Variants in RPL13A observed in about 807,000 individuals in gnomAD.
RPL13A encodes ribosomal protein L13a, also known as large ribosomal subunit protein uL13.
Under a neutral mutation model 30.8 loss-of-function variants are expected in RPL13A, and 4 were observed. The ratio of observed to expected loss-of-function variants is 0.13; its 90% CI spans 0.06 to 0.30. The LOEUF (loss-of-function observed/expected upper bound fraction) is 0.30, where lower values mean the gene tolerates loss of function less well. Ranked by LOEUF, RPL13A falls within the 10% of genes least tolerant of loss-of-function variation. The pLI is 1.00. For synonymous variants in RPL13A, 108 were observed against 104.2 expected (o/e 1.04, Z -0.22); for missense variants, 196 against 272.6 (o/e 0.72, Z 1.98).
chr19:49,488,926 G>A (rs1159659033), intron 1 of RPL13A, among the ~76,000 whole-genome samples: 1 of 152,056 alleles, frequency 6.6e-6, no homozygotes, highest in Non-Finnish European at 1.5e-5. Context: ...GGATGGTCTC[G>A]AACTCCTGAC....
intron 2 of RPL13A, 145 bp downstream of exon 2, chr19:49,490,067 G>A: frequency 1.0e-6 from 1 of 1,001,546 alleles, no homozygotes; most frequent in South Asian, 1.3e-5. Context: ...TCTTCCCCAG[G>A]GTTGGGGACT....
At chr19:49,489,732 G>C (rs1055743827) in intron 1 of RPL13A, 118 bp from the exon 2 acceptor site, 8 of 827,892 alleles carry the variant, frequency 9.7e-6, no homozygotes, top group African/African-American at 5.0e-5. Context: ...TCCCAGCTCT[G>C]ATGGCTGGGT....
Position 49,490,789 on chromosome 19 carries a change from C to T in RPL13A, c.267C>T (p.Pro89=), listed in dbSNP as rs11539146. The change falls in exon 5 of 8, where the codon CCC becomes CCT. Residue 89 remains proline, a synonymous_variant. Transcript: ENST00000391857. ...IFWRTVRGML[P]HKTKRGQAAL... ...TCTGTCACCCAACAGGTATGCTGCC[C>T]CACAAAACCAAGCGAGGCCAGGCCG... is the stretch of plus-strand genomic sequence containing the variant. 2.3e-5 allele frequency: 37 copies of T among 1,614,028 alleles called. 1 individual carries two copies. The highest frequency in any genetic ancestry group is 3.3e-5 in the South Asian group (3 of 91,090).
rs763601268 is a variant in RPL13A at position 49,491,883 on chromosome 19, G to A, written c.*68G>A. On this transcript the variant is annotated 3_prime_UTR_variant, in exon 8 of 8. Coordinates refer to ENST00000391857, the MANE Select transcript of RPL13A (RefSeq NM_012423.4). ...CCTCCATTGTTGCCCTGGAATGTAC[G>A]GGACCCAGGGGCAGCAGCAGTCCAG... 123 of 1,270,490 alleles carry A rather than the reference G, an allele frequency of 9.7e-5. No individual in the cohort carries two copies. Among genetic ancestry groups the A allele is most frequent in the African/African-American group, 1.9e-4 (13 of 68,910 alleles). The allele number at this position is 1,270,490 out of a possible 1,614,324, so 78.7% of individuals were successfully genotyped here.
intron 2 of RPL13A, 30 bp downstream of exon 2, chr19:49,489,952 T>C (rs746957823): frequency 7.7e-5 from 120 of 1,558,942 alleles, no homozygotes; most frequent in Non-Finnish European, 1.0e-4. Context: ...CCCTCTGTCA[T>C]GGGCCCCCGC....
rs749285659 is a variant in RPL13A at position 49,490,897 on chromosome 19, T to A, written c.342+33T>A. 10 of 1,610,468 alleles carry A rather than the reference T, an allele frequency of 6.2e-6. No homozygotes were observed. In the East Asian group the frequency reaches 2.2e-4, roughly 36 times the overall value. The stretch of plus-strand genomic sequence containing the variant: ...ATGCCAAACCCCACAGGCAGCGGCC[T>A]TACCTGTGGCGTCCATGATGTTCCG... On this transcript the variant is annotated intron_variant, in intron 5 of 7. Coordinates refer to ENST00000391857, the MANE Select transcript of RPL13A (RefSeq NM_012423.4).
rs1465318104 is a variant in RPL13A, at chr19:49,489,991, A to G, written c.88+69A>G. 6 of 1,295,118 alleles carry G rather than the reference A, an allele frequency of 4.6e-6. No homozygotes were observed. In the East Asian group the frequency reaches 9.2e-5, roughly 20 times the overall value. The allele number at this position is 1,295,118 out of a possible 1,614,324, so 80.2% of individuals were successfully genotyped here. On this transcript the variant is annotated intron_variant, in intron 2 of 7. Coordinates refer to ENST00000391857, the MANE Select transcript of RPL13A (RefSeq NM_012423.4). ...AGGTCAGTGATGAGCAACATTCACC[A>G]TCTTTCGTTTGAGTCTCACGGCCAT...
At chr19:49,490,389 C>T in intron 3 of RPL13A, 86 bp from the exon 4 acceptor site, 2 of 1,588,178 alleles carry the variant, frequency 1.3e-6, no homozygotes, top group East Asian at 2.2e-5. Flanking sequence ...GGAGAGGCTA[C>T]TTGGGGTTTC....
At chr19:49,488,588 AAGGTCACGACTTC>A (rs2079832754) in intron 1 of RPL13A, among the ~76,000 whole-genome samples, 1 of 152,252 alleles carries the variant, frequency 6.6e-6, no homozygotes, top group African/African-American at 2.4e-5. Context: ...ATTTTGGGCC[AAGGTCACGACTTC>A]AGGAAGTCTG....
At chr19:49,488,710 T>C (rs887311930) in intron 1 of RPL13A, among the ~76,000 whole-genome samples, 113 of 152,332 alleles carry the variant, frequency 7.4e-4, no homozygotes, top group African/African-American at 2.6e-3. Flanking sequence ...ATTTCTACTT[T>C]TAGTGTTTTT....
chr19:49,491,163 GA>G (rs1669484578), intron 6 of RPL13A, 64 bp downstream of exon 6: 1 of 1,568,428 alleles, frequency 6.4e-7, no homozygotes, highest in African/African-American at 1.3e-5. Flanking sequence ...GGGACCTGGG[GA>G]CCTGGAGCCT....
intron 4 of RPL13A, 60 bp from the exon 5 acceptor site, chr19:49,490,719 G>A: frequency 6.3e-7 from 1 of 1,586,850 alleles, no homozygotes; most frequent in Non-Finnish European, 8.7e-7. Context: ...CCACCTCAGT[G>A]GGGTGGGTGG....
intron 1 of RPL13A, 138 bp from the exon 2 acceptor site, chr19:49,489,712 C>T (rs577906972): frequency 1.5e-5 from 11 of 732,830 alleles, no homozygotes; most frequent in South Asian, 6.2e-5. Flanking sequence ...AACGGGGCTC[C>T]GTGCATAGTT....
intron 4 of RPL13A, 81 bp downstream of exon 4, chr19:49,490,657 C>T (rs547679257): frequency 1.3e-6 from 2 of 1,578,308 alleles, no homozygotes; most frequent in Middle Eastern, 1.7e-4. Context: ...TTCGAGTTTC[C>T]CGACCATGAG....
Position 49,492,088 on chromosome 19 carries a change from C to G in RPL13A, c.*273C>G. 1 of 410,776 alleles carries G rather than the reference C, an allele frequency of 2.4e-6. No individual in the cohort carries two copies. Among genetic ancestry groups the G allele is most frequent in the Non-Finnish European group, 4.5e-6 (1 of 221,446 alleles). The allele number at this position is 410,776 out of a possible 1,614,324, so 25.4% of individuals were successfully genotyped here. On this transcript the variant is annotated 3_prime_UTR_variant, in exon 8 of 8. Coordinates refer to ENST00000391857, the MANE Select transcript of RPL13A (RefSeq NM_012423.4). The stretch of plus-strand genomic sequence containing the variant: ...GAGCCAGAAGACTGATTGGAGGGCC[C>G]TATCTTGTGAGTGGGGCATCTGTTG...
intron 1 of RPL13A, among the ~76,000 whole-genome samples, chr19:49,488,769 G>A (rs1260871160): frequency 6.6e-6 from 1 of 152,232 alleles, no homozygotes; most frequent in East Asian, 1.9e-4. Context: ...GCAATGGTGC[G>A]ATCTTGGCTC....
At chr19:49,489,530 T>C (rs1429215801) in intron 1 of RPL13A, among the ~76,000 whole-genome samples, 4 of 152,200 alleles carry the variant, frequency 2.6e-5, no homozygotes, top group Admixed American at 6.5e-5. Context: ...GGGTAGTCAG[T>C]GGGCAGAGCC....
Position 49,487,615 on chromosome 19 carries a change from A to G in RPL13A, c.-15A>G. On this transcript the variant is annotated 5_prime_UTR_variant, in exon 1 of 8. Coordinates refer to ENST00000391857, the MANE Select transcript of RPL13A (RefSeq NM_012423.4). ...CTGCGACAAAACCTCCTCCTTTTCCAAGCGGCTGCCGAAGATGGCGGAGGT... is the reference window on the plus strand; with the variant it reads ...CTGCGACAAAACCTCCTCCTTTTCCGAGCGGCTGCCGAAGATGGCGGAGGT... 2 of 1,576,414 alleles carry G rather than the reference A, an allele frequency of 1.3e-6. No individual in the cohort carries two copies. The highest frequency in any genetic ancestry group is 1.4e-5 in the African/African-American group (1 of 73,722).
chr19:49,491,308 A>G, intron 6 of RPL13A, 117 bp from the exon 7 acceptor site: 2 of 1,172,996 alleles, frequency 1.7e-6, no homozygotes, highest in Non-Finnish European at 2.5e-6. Context: ...CAGTTGCATT[A>G]TGATATGCCC....
Sources: gnomAD v4.1 joint callset for allele counts (sites outside exome capture counted in the v4.1 genomes callset) on GRCh38, gnomAD v4.1.1 for gene constraint, MANE v1.5 for transcripts, NCBI Gene and HGNC (gene_info 2026-07-23, HGNC 2026-07-21) for gene names.